The following PAFAH1B1 variants were observed in gnomAD, a reference collection of about 807,000 sequenced individuals.
PAFAH1B1 encodes the protein platelet activating factor acetylhydrolase 1b regulatory subunit 1.
In PAFAH1B1, 2 loss-of-function variants were observed where a neutral mutation model predicts 57.5. That is an observed-to-expected ratio of 0.03 (90% CI 0.01 to 0.11). The LOEUF (loss-of-function observed/expected upper bound fraction) is 0.11, where lower values mean the gene tolerates loss of function less well. Ranked by LOEUF, PAFAH1B1 falls within the 10% of genes least tolerant of loss-of-function variation. The probability of loss-of-function intolerance (pLI) is 1.00; values close to 1 mark genes in which losing one functional copy is unlikely to be tolerated. For synonymous variants in PAFAH1B1, 152 were observed against 169.6 expected, an observed-to-expected ratio of 0.90 and a Z score of 0.81; for missense variants, 257 against 512.0, an observed-to-expected ratio of 0.50 and a Z score of 4.81.
intron 1 of PAFAH1B1, among the ~76,000 whole-genome samples, chr17:2,596,583 G>A (rs2068086070): frequency 1.3e-5 from 2 of 152,158 alleles, no homozygotes; most frequent in African/African-American, 4.8e-5. Context: ...GGTGGTAAAT[G>A]TGACTTTGAT....
At chr17:2,648,155 G>A (rs532483471) in intron 2 of PAFAH1B1, among the ~76,000 whole-genome samples, 8 of 152,238 alleles carry the variant, frequency 5.3e-5, no homozygotes, top group African/African-American at 1.7e-4. Context: ...AATGAGAGAC[G>A]AGTGAAGGGG....
In PAFAH1B1 at chr17:2,681,742, G is replaced by A. The variant is rs139912302; in HGVS notation, c.1173G>A (p.Thr391=). The A allele has an allele frequency of 3.7e-6, 6 of 1,612,962 alleles. No individual in the cohort carries two copies. The African/African-American group carries it at 4.0e-5, about 11-fold the overall frequency. The change falls in exon 11 of 11, where the codon ACG becomes ACA. Residue 391 remains threonine, a synonymous_variant. Coordinates refer to ENST00000397195, the MANE Select transcript of PAFAH1B1 (RefSeq NM_000430.4). ...TTTTTCTTTCAGATTTCCACAAGAC[G>A]GCACCCTATGTCGTCACTGGCAGCG... ...HFVTSLDFHK[T]APYVVTGSVD...
chr17:2,646,106 CAAAAT>C (rs1279909441), intron 2 of PAFAH1B1, among the ~76,000 whole-genome samples: 3 of 151,378 alleles, frequency 2.0e-5, no homozygotes, highest in African/African-American at 7.3e-5. Flanking sequence ...ATAAGAACGA[CAAAAT>C]AAGTCTAAAG....
At chr17:2,653,309 T>C (rs905719583) in intron 2 of PAFAH1B1, among the ~76,000 whole-genome samples, 2 of 151,962 alleles carry the variant, frequency 1.3e-5, no homozygotes, top group African/African-American at 2.4e-5. Flanking sequence ...TTAGGAGATA[T>C]ACCTAATGTA....
Position 2,683,989 on chromosome 17 carries a change from G to C in PAFAH1B1, c.*2187G>C, listed in dbSNP as rs1301795208. On this transcript the variant is annotated 3_prime_UTR_variant, in exon 11 of 11. Coordinates refer to ENST00000397195, the MANE Select transcript of PAFAH1B1 (RefSeq NM_000430.4). ...TTGAACAATAAAGGAGAATGGTACC[G>C]ATGCAGGAGGAAGCAAGCGTGTCTT... 6.6e-6 allele frequency: 1 copy of C among 152,602 alleles called. No homozygotes were observed. Among genetic ancestry groups the C allele is most frequent in the Non-Finnish European group, 1.5e-5 (1 of 68,048 alleles). 9.5% of individuals were successfully genotyped at this position (152,602 alleles called of 1,614,324 possible).
chr17:2,624,111 A>G (rs891728784), intron 1 of PAFAH1B1, among the ~76,000 whole-genome samples: 6 of 152,342 alleles, frequency 3.9e-5, no homozygotes, highest in South Asian at 2.1e-4. Context: ...TTGCTAAAAC[A>G]TAATAAGAGT....
intron 7 of PAFAH1B1, among the ~76,000 whole-genome samples, chr17:2,673,022 CG>C: frequency 6.6e-6 from 1 of 151,966 alleles, no homozygotes; most frequent in South Asian, 2.1e-4. Context: ...GAGCCGAGAT[CG>C]TGCCATTGCA....
chr17:2,643,800 A>G (rs1172985225), intron 2 of PAFAH1B1, among the ~76,000 whole-genome samples: 1 of 152,014 alleles, frequency 6.6e-6, no homozygotes, highest in Non-Finnish European at 1.5e-5. Context: ...ACCTCAACAG[A>G]TCACCTGCTT....
At chr17:2,614,021 GTTT>G (rs11432432) in intron 1 of PAFAH1B1, 5 of 96,996 alleles carry the variant, frequency 5.2e-5, no homozygotes, top group African/African-American at 8.9e-5. Flanking sequence ...TATATATTGG[GTTT>G]TTTTTTTTTT....
intron 2 of PAFAH1B1, among the ~76,000 whole-genome samples, chr17:2,657,400 G>A (rs763509323): frequency 1.3e-5 from 2 of 152,074 alleles, no homozygotes; most frequent in African/African-American, 4.8e-5. Flanking sequence ...GTCCACCGCC[G>A]TGCCCGGCTA....
chr17:2,610,473 C>G (rs2068255126), intron 1 of PAFAH1B1, among the ~76,000 whole-genome samples: 1 of 152,022 alleles, frequency 6.6e-6, no homozygotes, highest in African/African-American at 2.4e-5. Flanking sequence ...CCTTAAGATA[C>G]AAAATAACTA....
intron 6 of PAFAH1B1, 87 bp from the exon 7 acceptor site, chr17:2,672,568 C>A: frequency 1.1e-6 from 1 of 909,980 alleles, no homozygotes; most frequent in Non-Finnish European, 1.8e-6. Flanking sequence ...CATAGTGAAA[C>A]CCCATGGTAA....
Position 2,682,603 on chromosome 17 carries a change from G to A in PAFAH1B1, c.*801G>A, listed in dbSNP as rs773768241. 8.5e-5 allele frequency: 13 copies of A among 152,644 alleles called. No homozygotes were observed. The highest frequency in any genetic ancestry group is 1.8e-4 in the Non-Finnish European group (12 of 68,054). 9.5% of individuals were successfully genotyped at this position (152,644 alleles called of 1,614,324 possible). A position where few individuals can be genotyped will look rare whatever the true frequency, so the allele number is the denominator to read the frequency against. ...GTTGTATTCTCCATACTATTAGACT[G>A]TGTAGTGATGTGACTTCCAAGTAGA... On this transcript the variant is annotated 3_prime_UTR_variant, in exon 11 of 11. Coordinates refer to ENST00000397195, the MANE Select transcript of PAFAH1B1 (RefSeq NM_000430.4).
chr17:2,672,373 T>G (rs2069196518), intron 6 of PAFAH1B1, among the ~76,000 whole-genome samples: 1 of 151,992 alleles, frequency 6.6e-6, no homozygotes, highest in Admixed American at 6.6e-5. Flanking sequence ...ATGAATATAT[T>G]CAAATGTTGA....
intron 2 of PAFAH1B1, among the ~76,000 whole-genome samples, chr17:2,661,330 T>C (rs1432869889): frequency 6.6e-6 from 1 of 152,150 alleles, no homozygotes. Flanking sequence ...TCTTGACTTA[T>C]TTTTTGTATA....
intron 1 of PAFAH1B1, among the ~76,000 whole-genome samples, chr17:2,617,850 G>A (rs1277396785): frequency 2.6e-5 from 4 of 151,814 alleles, no homozygotes; most frequent in Admixed American, 2.0e-4. Context: ...AACCTGGGAG[G>A]TGAAGGTTGT....
chr17:2,678,405 A>C (rs1477808910), intron 9 of PAFAH1B1, among the ~76,000 whole-genome samples: 3 of 132,536 alleles, frequency 2.3e-5, no homozygotes, highest in African/African-American at 7.7e-5. Context: ...CATCTCAAAA[A>C]AAAAAAAAAA....
chr17:2,598,203 C>A (rs535506322), intron 1 of PAFAH1B1, among the ~76,000 whole-genome samples: 3 of 151,926 alleles, frequency 2.0e-5, no homozygotes, highest in Non-Finnish European at 4.4e-5. Flanking sequence ...GAGCCGAGAT[C>A]GCACCATTAC....
rs369799653 is a variant in PAFAH1B1, at chr17:2,684,185, G to A, written c.*2383G>A. On this transcript the variant is annotated 3_prime_UTR_variant, in exon 11 of 11. Transcript: ENST00000397195. ...GAATCTCAGGGATGGCCCACAACTG[G>A]GTCCACATGTAATGAGCCCTGTTTA... The A allele has an allele frequency of 6.5e-6, 1 of 152,682 alleles. No individual in the cohort carries two copies. Among genetic ancestry groups the A allele is most frequent in the African/African-American group, 2.4e-5 (1 of 41,464 alleles). The allele number at this position is 152,682 out of a possible 1,614,324, so 9.5% of individuals were successfully genotyped here.
Sources: allele counts gnomAD v4.1 joint callset (sites outside exome capture counted in the v4.1 genomes callset), GRCh38; gene constraint gnomAD v4.1.1; transcripts MANE v1.5; gene names NCBI Gene and HGNC (gene_info 2026-07-23, HGNC 2026-07-21).